The following PAX5 variants were observed in gnomAD, a reference collection of about 807,000 sequenced individuals.
The protein encoded by PAX5 is paired box protein Pax-5.
In PAX5, 9 loss-of-function variants were observed where a neutral mutation model predicts 43.7. The ratio of observed to expected loss-of-function variants is 0.21; its 90% CI spans 0.12 to 0.36. The LOEUF (loss-of-function observed/expected upper bound fraction) is 0.36, where lower values mean the gene tolerates loss of function less well. Ranked by LOEUF, PAX5 falls within the 10% of genes least tolerant of loss-of-function variation. PAX5 has a pLI of 1.00. For missense variants in PAX5, 383 were observed against 532.7 expected, an observed-to-expected ratio of 0.72 and a Z score of 2.77; for synonymous variants, 228 against 214.3, an observed-to-expected ratio of 1.06 and a Z score of -0.56.
chr9:36,902,056 G>T (rs1468756792), intron 7 of PAX5, among the ~76,000 whole-genome samples: 1 of 152,096 alleles, frequency 6.6e-6, no homozygotes, highest in African/African-American at 2.4e-5. Context: ...GGGTGTCCCT[G>T]TGATTTTTAA....
At chr9:36,973,999 C>CAAA (rs1250190641) in intron 5 of PAX5, among the ~76,000 whole-genome samples, 2 of 151,922 alleles carry the variant, frequency 1.3e-5, no homozygotes, top group African/African-American at 4.8e-5. Context: ...GACTCTGTCT[C>CAAA]AAAAATAATA....
chr9:36,952,234 CTT>C (rs138009049), intron 6 of PAX5, among the ~76,000 whole-genome samples: 46 of 66,660 alleles, frequency 6.9e-4, no homozygotes, highest in Admixed American at 2.6e-3. Context: ...GACCATCTCC[CTT>C]TTTTTTTTTT....
chr9:37,004,396 T>C (rs1161140829), intron 4 of PAX5, among the ~76,000 whole-genome samples: 2 of 152,350 alleles, frequency 1.3e-5, no homozygotes, highest in South Asian at 2.1e-4. Context: ...ACACACTTCC[T>C]TGGGCTATAA....
rs2132398513 is a variant in PAX5, at chr9:37,002,723, A to C, written c.529T>G (p.Ser177Ala). ...AGGATGCCGCTGATGGAGTACGACG[A>C]GCCGGCCGAATCCGTGCTCACCGAG... ...VSSVSTDSAGSSYSISGILGI... is the reference protein window; with the variant it reads ...VSSVSTDSAGASYSISGILGI... The change falls in exon 5 of 10, where the codon TCG (serine) becomes GCG (alanine). Residue 177 changes from serine (S) to alanine (A), a missense_variant. Around this residue, in one of 5 missense-constraint regions of PAX5, gnomAD observed 291 missense variants for 342.5 expected, o/e 0.85. Transcript: ENST00000358127. The C allele has an allele frequency of 6.2e-7, 1 of 1,610,554 alleles. No individual in the cohort carries two copies. Among genetic ancestry groups the C allele is most frequent in the Non-Finnish European group, 8.5e-7 (1 of 1,178,988 alleles).
intron 9 of PAX5, among the ~76,000 whole-genome samples, chr9:36,840,913 T>G (rs928553543): frequency 2.0e-5 from 3 of 152,226 alleles, no homozygotes; most frequent in Admixed American, 2.0e-4. Context: ...AACATTTTAC[T>G]GGAACACAGT....
At chr9:36,943,335 C>A (rs1370865437) in intron 6 of PAX5, among the ~76,000 whole-genome samples, 1 of 152,148 alleles carries the variant, frequency 6.6e-6, no homozygotes, top group Non-Finnish European at 1.5e-5. Flanking sequence ...GGTGGTGGCT[C>A]CAATCTGTTT....
chr9:36,980,334 T>C (rs1835805220), intron 5 of PAX5, among the ~76,000 whole-genome samples: 1 of 152,274 alleles, frequency 6.6e-6, no homozygotes, highest in African/African-American at 2.4e-5. Flanking sequence ...GACTTCCCTC[T>C]GCCTGTGGGG....
intron 6 of PAX5, among the ~76,000 whole-genome samples, chr9:36,945,223 C>CT (rs5897665): frequency 0.74 from 109,995 of 149,314 alleles, 40,669 homozygotes; most frequent in East Asian, 0.8. Flanking sequence ...GGACAACTGT[C>CT]TTTTTTTTTT....
intron 1 of PAX5, among the ~76,000 whole-genome samples, chr9:37,021,936 A>G (rs1839890843): frequency 1.3e-5 from 2 of 152,198 alleles, no homozygotes; most frequent in South Asian, 4.1e-4. Context: ...CGTACAAGGG[A>G]AAGACCTCAA....
intron 5 of PAX5, among the ~76,000 whole-genome samples, chr9:36,997,018 C>T (rs1446290498): frequency 6.6e-6 from 1 of 152,130 alleles, no homozygotes; most frequent in Non-Finnish European, 1.5e-5. Context: ...AGCCAAATAA[C>T]ACAGAATGAG....
At chr9:36,938,241 A>T (rs1276599557) in intron 6 of PAX5, among the ~76,000 whole-genome samples, 1 of 152,212 alleles carries the variant, frequency 6.6e-6, no homozygotes, top group Non-Finnish European at 1.5e-5. Flanking sequence ...CTTGCATTTC[A>T]TACCTAGAAA....
rs577878729 is a variant in PAX5, at chr9:37,022,267, C to A, written c.47-1466G>T. On this transcript the variant is annotated intron_variant, in intron 1 of 9. Transcript: ENST00000358127. ...TGATCTTTATTCAGTTTTGATTGTT[C>A]TAAAAGACATAAGAAAAAGGAAAAC... Among the ~76,000 whole-genome samples the A allele has an allele frequency of 6.4e-4, 97 of 152,212 alleles. 2 individuals carry two copies. The South Asian group carries it at 0.014, about 21-fold the overall frequency.
chr9:36,866,463 CTT>C (rs1433701297), intron 8 of PAX5, among the ~76,000 whole-genome samples: 1 of 152,192 alleles, frequency 6.6e-6, no homozygotes, highest in Non-Finnish European at 1.5e-5. Context: ...AAGCCTGAGA[CTT>C]AAGAGAAGAT....
chr9:37,008,569 C>T (rs1347881255), intron 3 of PAX5, among the ~76,000 whole-genome samples: 1 of 152,192 alleles, frequency 6.6e-6, no homozygotes, highest in Non-Finnish European at 1.5e-5. Context: ...CAGCTTGGTG[C>T]TCGGCACCAA....
chr9:36,897,658 A>G (rs1827985290), intron 7 of PAX5, among the ~76,000 whole-genome samples: 1 of 152,132 alleles, frequency 6.6e-6, no homozygotes. Flanking sequence ...TGGACCCAGC[A>G]TGGATCCTGA....
chr9:36,989,911 C>A (rs542070151), intron 5 of PAX5, among the ~76,000 whole-genome samples: 2 of 152,182 alleles, frequency 1.3e-5, no homozygotes, highest in Non-Finnish European at 2.9e-5. Flanking sequence ...AGACACAGTT[C>A]CTGCCTTCAT....
intron 7 of PAX5, among the ~76,000 whole-genome samples, chr9:36,906,423 G>A (rs1161248795): frequency 1.3e-5 from 2 of 152,158 alleles, no homozygotes; most frequent in African/African-American, 2.4e-5. Context: ...ATGGAGGAAG[G>A]GGCCATGAGC....
At position 37,008,230 on chromosome 9, in the gene PAX5, T is replaced by G. The variant is rs539561743; in HGVS notation, c.411-1693A>C. ...GCATGCCACTGCCTAATTTTTGTATTTTTAGTAAAGAAGAGGTTTCACCAC... is the reference window on the plus strand; with the variant it reads ...GCATGCCACTGCCTAATTTTTGTATGTTTAGTAAAGAAGAGGTTTCACCAC... On this transcript the variant is annotated intron_variant, in intron 3 of 9. Transcript: ENST00000358127. Among the ~76,000 whole-genome samples the G allele has an allele frequency of 4.0e-5, 6 of 150,902 alleles. No homozygotes were observed. In the East Asian group the frequency reaches 9.6e-4, roughly 24 times the overall value.
chr9:37,002,762 C>A lies in PAX5; in HGVS notation c.490G>T (p.Val164Leu), dbSNP rs369446258. The A allele has an allele frequency of 6.0e-5, 97 of 1,609,404 alleles. No homozygotes were observed. Among genetic ancestry groups the A allele is most frequent in the Non-Finnish European group, 7.2e-5 (85 of 1,178,544 alleles). The change falls in exon 5 of 10, where the codon GTG (valine) becomes TTG (leucine). Residue 164 changes from valine to leucine, a missense_variant. Physicochemically the swap from Val to Leu is conservative, Grantham distance 32. Transcript: ENST00000358127. Reference sequence around the variant, plus strand: ...GTGCTCACCGAGGACACCTGCGTCACGGAGCCAGTGGACACTGCGCGGAGA... The same window carrying A: ...GTGCTCACCGAGGACACCTGCGTCAAGGAGCCAGTGGACACTGCGCGGAGA... ...SSHSIVSTGS[V>L]TQVSSVSTDS...
Sources: allele counts gnomAD v4.1 joint callset (sites outside exome capture counted in the v4.1 genomes callset), GRCh38; gene constraint gnomAD v4.1.1; regional missense constraint gnomAD v4.1.1; transcripts MANE v1.5; gene names NCBI Gene and HGNC (gene_info 2026-07-23, HGNC 2026-07-21).